The following KCNG2 variants were observed in gnomAD, a reference collection of about 807,000 sequenced individuals.
KCNG2 encodes the protein potassium voltage-gated channel modifier subfamily G member 2, also known as voltage-gated potassium channel regulatory subunit KCNG2.
A neutral mutation model predicts 12.3 loss-of-function variants in KCNG2; 7 were observed. The observed-to-expected ratio is 0.57, with a 90% CI of 0.32 to 1.07. The LOEUF (loss-of-function observed/expected upper bound fraction) is 1.07. KCNG2 is among the 50% of genes least tolerant of loss of function. The probability of loss-of-function intolerance (pLI) is 0.04; values close to 1 mark genes in which losing one functional copy is unlikely to be tolerated. For missense variants in KCNG2, 703 were observed against 726.0 expected, an observed-to-expected ratio of 0.97 and a Z score of 0.36; for synonymous variants, 414 against 351.4, an observed-to-expected ratio of 1.18 and a Z score of -1.99.
intron 1 of KCNG2, among the ~76,000 whole-genome samples, chr18:79,853,822 C>T (rs1978909924): frequency 1.3e-5 from 2 of 152,226 alleles, no homozygotes; most frequent in South Asian, 2.1e-4. Context: ...GTGGCTCCCT[C>T]CAGGGCCCGA....
Position 79,899,199 on chromosome 18 carries a change from T to C in KCNG2, c.784T>C (p.Phe262Leu). 1.9e-6 allele frequency: 3 copies of C among 1,604,040 alleles called. No individual in the cohort carries two copies. The highest frequency in any genetic ancestry group is 2.5e-6 in the Non-Finnish European group (3 of 1,179,472). Reference sequence around the variant, plus strand: ...CATTGACATCCTGGCGCTCCTGCCGTTCTACGTGTCGCTGCTGCTGGGGCT... The same window carrying C: ...CATTGACATCCTGGCGCTCCTGCCGCTCTACGTGTCGCTGCTGCTGGGGCT... ...NIIDILALLP[F>L]YVSLLLGLAA... The change falls in exon 4 of 4, where the codon TTC (phenylalanine) becomes CTC (leucine). Residue 262 changes from phenylalanine (F) to leucine (L), a missense_variant. Physicochemically the swap from Phe to Leu is conservative, Grantham distance 22. Coordinates refer to ENST00000316249, the MANE Select transcript of KCNG2 (RefSeq NM_012283.2).
intron 3 of KCNG2, among the ~76,000 whole-genome samples, chr18:79,890,589 G>A (rs943749519): frequency 2.0e-5 from 3 of 152,154 alleles, no homozygotes; most frequent in Non-Finnish European, 4.4e-5. Context: ...CTGTTTCTGC[G>A]TTAATTTGCT....
At chr18:79,865,187 GTGCTGAGATATCTGGC>G (rs1207609134) in intron 3 of KCNG2, among the ~76,000 whole-genome samples, 1 of 148,980 alleles carries the variant, frequency 6.7e-6, no homozygotes, top group Non-Finnish European at 1.5e-5. Context: ...AGAGGTCTGG[GTGCTGAGATATCTGGC>G]TGCTGAGAGG....
intron 3 of KCNG2, among the ~76,000 whole-genome samples, chr18:79,872,958 G>A (rs1304351874): frequency 6.6e-5 from 10 of 152,186 alleles, no homozygotes; most frequent in African/African-American, 1.7e-4. Flanking sequence ...CCGCCCCTCC[G>A]GGAGCCGGCG....
At chr18:79,840,274 A>AGATT (rs1185362846) in intron 1 of KCNG2, among the ~76,000 whole-genome samples, 2 of 152,256 alleles carry the variant, frequency 1.3e-5, no homozygotes, top group African/African-American at 4.8e-5. Flanking sequence ...GAATTCAGCA[A>AGATT]GATTGCAAGA....
chr18:79,887,834 G>A (rs1980586841), intron 3 of KCNG2, among the ~76,000 whole-genome samples: 1 of 152,188 alleles, frequency 6.6e-6, no homozygotes, highest in Non-Finnish European at 1.5e-5. Flanking sequence ...ATGGACTGGA[G>A]CCAGGGATCC....
At chr18:79,894,171 A>G (rs1358630285) in intron 3 of KCNG2, among the ~76,000 whole-genome samples, 2 of 151,796 alleles carry the variant, frequency 1.3e-5, no homozygotes, top group Non-Finnish European at 2.9e-5. Flanking sequence ...ATCTAATGTT[A>G]TGACTGATAT....
chr18:79,843,759 C>G (rs1978536600), intron 1 of KCNG2, among the ~76,000 whole-genome samples: 1 of 151,992 alleles, frequency 6.6e-6, no homozygotes, highest in Admixed American at 6.6e-5. Flanking sequence ...GGAATCAAAG[C>G]ATACGCTATG....
intron 3 of KCNG2, among the ~76,000 whole-genome samples, 195 bp downstream of exon 3, chr18:79,864,486 G>C (rs1343354028): frequency 6.6e-6 from 1 of 152,176 alleles, no homozygotes; most frequent in Non-Finnish European, 1.5e-5. Flanking sequence ...GCCGCTGATG[G>C]TGGTCTTGGC....
intron 1 of KCNG2, among the ~76,000 whole-genome samples, chr18:79,805,535 T>C (rs966545040): frequency 6.6e-6 from 1 of 152,160 alleles, no homozygotes; most frequent in South Asian, 2.1e-4. Flanking sequence ...TTTTTCTCCA[T>C]TGCCTTTTTT....
At chr18:79,887,324 G>GCCCTGGGCCAGAGGCCA (rs1980562316) in intron 3 of KCNG2, among the ~76,000 whole-genome samples, 1 of 152,156 alleles carries the variant, frequency 6.6e-6, no homozygotes, top group East Asian at 1.9e-4. Flanking sequence ...GGCGGAGGCC[G>GCCCTGGGCCAGAGGCCA]CCCTGGGCCA....
intron 1 of KCNG2, among the ~76,000 whole-genome samples, chr18:79,805,189 T>C (rs1435251768): frequency 6.6e-6 from 1 of 152,172 alleles, no homozygotes; most frequent in African/African-American, 2.4e-5. Flanking sequence ...AACACTAAGG[T>C]CTTACACATT....
chr18:79,865,033 G>T (rs1979414269), intron 3 of KCNG2, among the ~76,000 whole-genome samples: 1 of 142,378 alleles, frequency 7.0e-6, no homozygotes, highest in Admixed American at 7.2e-5. Flanking sequence ...CGAGGTCTGT[G>T]TGCTGAGAAG....
At chr18:79,837,578 G>A (rs766916388) in intron 1 of KCNG2, among the ~76,000 whole-genome samples, 2 of 152,148 alleles carry the variant, frequency 1.3e-5, no homozygotes, top group Non-Finnish European at 2.9e-5. Flanking sequence ...TCTACGGCAG[G>A]GGCAAAATGC....
intron 1 of KCNG2, among the ~76,000 whole-genome samples, chr18:79,821,281 CTTGAATT>C (rs2087568011): frequency 7.7e-6 from 1 of 129,216 alleles, no homozygotes; most frequent in Non-Finnish European, 1.6e-5. Flanking sequence ...CCCATTTTTA[CTTGAATT>C]TTTTTTTTTT....
intron 1 of KCNG2, among the ~76,000 whole-genome samples, chr18:79,841,001 G>C (rs561076843): frequency 2.0e-5 from 3 of 152,210 alleles, no homozygotes; most frequent in African/African-American, 7.2e-5. Context: ...GGTTGTGGTG[G>C]CTGATGCCAG....
chr18:79,877,582 C>G (rs564632916), intron 3 of KCNG2, among the ~76,000 whole-genome samples: 52 of 152,048 alleles, frequency 3.4e-4, no homozygotes, highest in East Asian at 1.2e-3. Context: ...CTCCGCCCCC[C>G]CCGAGAGTCA....
chr18:79,896,264 C>A (rs1568275257), intron 3 of KCNG2, among the ~76,000 whole-genome samples: 1 of 152,324 alleles, frequency 6.6e-6, no homozygotes, highest in East Asian at 1.9e-4. Context: ...CCACACCCAG[C>A]CCACTAATGA....
intron 1 of KCNG2, among the ~76,000 whole-genome samples, chr18:79,798,936 C>G (rs1283338482): frequency 6.6e-6 from 1 of 152,178 alleles, no homozygotes; most frequent in African/African-American, 2.4e-5. Context: ...CCCGCCCGCG[C>G]GCCTGGCTCC....
Sources: allele counts gnomAD v4.1 joint callset (sites outside exome capture counted in the v4.1 genomes callset), GRCh38; gene constraint gnomAD v4.1.1; transcripts MANE v1.5; gene names NCBI Gene and HGNC (gene_info 2026-07-23, HGNC 2026-07-21).